The following SDC2 variants were observed in gnomAD, a reference collection of about 807,000 sequenced individuals.
The protein encoded by SDC2 is syndecan-2.
SDC2 carries 13 observed loss-of-function variants against 22.2 expected under a neutral mutation model. That is an observed-to-expected ratio of 0.59 (90% CI 0.38 to 0.93). The LOEUF is 0.93. SDC2 is among the 40% of genes least tolerant of loss of function. SDC2 has a pLI of 0.00. For missense variants in SDC2, 235 were observed against 246.8 expected (o/e 0.95, Z 0.32); for synonymous variants, 94 against 92.8 (o/e 1.01, Z -0.07).
chr8:96,513,503 A>G (rs762722982), intron 1 of SDC2, among the ~76,000 whole-genome samples: 2 of 152,208 alleles, frequency 1.3e-5, no homozygotes, highest in Non-Finnish European at 2.9e-5. Flanking sequence ...ACTATAAACT[A>G]TTTACAGATG....
intron 1 of SDC2, among the ~76,000 whole-genome samples, chr8:96,579,011 T>A (rs1224632286): frequency 6.6e-6 from 1 of 152,222 alleles, no homozygotes. Flanking sequence ...CTCAGTCCCT[T>A]GTAACTGCAA....
At chr8:96,590,636 TA>T (rs983537891) in intron 1 of SDC2, among the ~76,000 whole-genome samples, 14 of 152,136 alleles carry the variant, frequency 9.2e-5, no homozygotes, top group African/African-American at 3.4e-4. Context: ...GGTTTTTTTT[TA>T]TTTTTTATTT....
chr8:96,602,349 T>A, intron 2 of SDC2, 46 bp from the exon 3 acceptor site: 1 of 1,599,286 alleles, frequency 6.3e-7, no homozygotes, highest in Admixed American at 1.7e-5. Context: ...TGGAGACATC[T>A]GTGTCATGAT....
chr8:96,510,559 A>G (rs1459981182), intron 1 of SDC2, among the ~76,000 whole-genome samples: 1 of 152,210 alleles, frequency 6.6e-6, no homozygotes, highest in African/African-American at 2.4e-5. Flanking sequence ...AGGGAACAAA[A>G]CCTTGTTGAA....
intron 1 of SDC2, among the ~76,000 whole-genome samples, chr8:96,568,138 T>C (rs553819009): frequency 6.6e-6 from 1 of 152,364 alleles, no homozygotes; most frequent in African/African-American, 2.4e-5. Flanking sequence ...TACAAAGTTA[T>C]AGGAGGGTTA....
chr8:96,537,142 C>T (rs1318624952), intron 1 of SDC2, among the ~76,000 whole-genome samples: 2 of 151,986 alleles, frequency 1.3e-5, no homozygotes, highest in Non-Finnish European at 2.9e-5. Context: ...CAGTAGAGCT[C>T]GATTCATCCT....
intron 1 of SDC2, among the ~76,000 whole-genome samples, chr8:96,548,729 A>G (rs1399427824): frequency 1.3e-5 from 2 of 152,196 alleles, no homozygotes; most frequent in East Asian, 3.9e-4. Context: ...GAAACGGGCC[A>G]ATGAACTTCC....
At chr8:96,508,121 G>C (rs58332473) in intron 1 of SDC2, among the ~76,000 whole-genome samples, 12,384 of 151,948 alleles carry the variant, frequency 0.082, 813 homozygotes, top group African/African-American at 0.18. Flanking sequence ...ACAGTGAAAC[G>C]CCATCTCTAC....
chr8:96,507,828 G>A lies in SDC2; in HGVS notation c.60+13497G>A, dbSNP rs112187785. ...AGTGCTTTTTTACCCAATTCCTTTTGCCAATCTTAGATGTAGGCTCCTCTT... is the reference window on the plus strand; with the variant it reads ...AGTGCTTTTTTACCCAATTCCTTTTACCAATCTTAGATGTAGGCTCCTCTT... On this transcript the variant is annotated intron_variant, in intron 1 of 4. Transcript: ENST00000302190. 1.3e-3 allele frequency among the ~76,000 whole-genome samples: 201 copies of A among 152,262 alleles called. 1 individual carries two copies. The highest frequency in any genetic ancestry group is 4.8e-3 in the African/African-American group (199 of 41,530).
intron 1 of SDC2, among the ~76,000 whole-genome samples, chr8:96,592,963 C>T (rs1814809612): frequency 6.6e-6 from 1 of 152,224 alleles, no homozygotes; most frequent in East Asian, 1.9e-4. Flanking sequence ...GACTGGGGAT[C>T]TCTCATCTGT....
intron 1 of SDC2, among the ~76,000 whole-genome samples, chr8:96,521,634 T>A (rs1382094009): frequency 6.6e-6 from 1 of 152,174 alleles, no homozygotes; most frequent in Non-Finnish European, 1.5e-5. Context: ...CTATTTAGAG[T>A]TCTTTGAGAG....
At chr8:96,526,211 A>G (rs1339416842) in intron 1 of SDC2, among the ~76,000 whole-genome samples, 1 of 151,810 alleles carries the variant, frequency 6.6e-6, no homozygotes, top group Non-Finnish European at 1.5e-5. Context: ...AGGAAGTTAG[A>G]ATTCTATGAA....
chr8:96,563,179 C>G (rs1265996899), intron 1 of SDC2, among the ~76,000 whole-genome samples: 1 of 152,288 alleles, frequency 6.6e-6, no homozygotes, highest in East Asian at 1.9e-4. Flanking sequence ...TCTCCCTTGC[C>G]TGTATTCAGC....
intron 1 of SDC2, among the ~76,000 whole-genome samples, chr8:96,532,422 T>G (rs1739440626): frequency 7.0e-6 from 1 of 143,152 alleles, no homozygotes; most frequent in Non-Finnish European, 1.5e-5. Flanking sequence ...GTTTTTTTTT[T>G]TTTTTTTTTT....
intron 1 of SDC2, among the ~76,000 whole-genome samples, chr8:96,499,672 CTG>C (rs1354986678): frequency 6.6e-6 from 1 of 151,862 alleles, no homozygotes; most frequent in Non-Finnish European, 1.5e-5. Context: ...TATAACATGA[CTG>C]TTGTGAAGAT....
chr8:96,568,427 T>C (rs1814336030), intron 1 of SDC2, among the ~76,000 whole-genome samples: 1 of 152,244 alleles, frequency 6.6e-6, no homozygotes, highest in South Asian at 2.1e-4. Flanking sequence ...CTTACATGAT[T>C]GTTTTAGTGT....
At chr8:96,589,146 A>AT (rs1814734568) in intron 1 of SDC2, among the ~76,000 whole-genome samples, 1 of 152,192 alleles carries the variant, frequency 6.6e-6, no homozygotes, top group African/African-American at 2.4e-5. Flanking sequence ...CAAACTCTAA[A>AT]TTTTTATCAT....
At chr8:96,586,028 T>C (rs992072449) in intron 1 of SDC2, among the ~76,000 whole-genome samples, 1 of 152,192 alleles carries the variant, frequency 6.6e-6, no homozygotes, top group Non-Finnish European at 1.5e-5. Context: ...ATTTCTGCAG[T>C]TAAGTACCCT....
At chr8:96,521,318 G>T (rs1233700838) in intron 1 of SDC2, among the ~76,000 whole-genome samples, 1 of 152,156 alleles carries the variant, frequency 6.6e-6, no homozygotes, top group East Asian at 1.9e-4. Flanking sequence ...ATAAGTGACA[G>T]GTAAATAGAT....
Sources: gnomAD v4.1 joint callset for allele counts (sites outside exome capture counted in the v4.1 genomes callset) on GRCh38, gnomAD v4.1.1 for gene constraint, MANE v1.5 for transcripts, NCBI Gene and HGNC (gene_info 2026-07-23, HGNC 2026-07-21) for gene names.